P2RX4: variants seen among roughly 807,000 people sequenced by gnomAD.
P2RX4 encodes the protein P2X purinoceptor 4.
Under a neutral mutation model 48.0 loss-of-function variants are expected in P2RX4, and 37 were observed. That is an observed-to-expected ratio of 0.77 (90% CI 0.59 to 1.01). The LOEUF (loss-of-function observed/expected upper bound fraction) is 1.01, where lower values mean the gene tolerates loss of function less well. Ranked by LOEUF, P2RX4 falls within the 50% of genes least tolerant of loss-of-function variation. The pLI is 0.00. For synonymous variants in P2RX4, 200 were observed against 199.7 expected, an observed-to-expected ratio of 1.00 and a Z score of -0.01; for missense variants, 501 against 521.4, an observed-to-expected ratio of 0.96 and a Z score of 0.38.
At chr12:121,212,810 A>T (rs1565997439) in intron 1 of P2RX4, 22 of 31,362 alleles carry the variant, frequency 7.0e-4, no homozygotes, top group African/African-American at 3.1e-3. Flanking sequence ...ATATATATAT[A>T]TATATATATA....
chr12:121,217,862 G>A (rs1330795178), intron 2 of P2RX4, among the ~76,000 whole-genome samples: 1 of 151,956 alleles, frequency 6.6e-6, no homozygotes, highest in Non-Finnish European at 1.5e-5. Flanking sequence ...GGACTCCATC[G>A]GGAGCGAAAG....
At chr12:121,212,748 C>T (rs549511340) in intron 1 of P2RX4, 60 of 142,420 alleles carry the variant, frequency 4.2e-4, no homozygotes, top group African/African-American at 1.4e-3. Context: ...CAGATTGCGC[C>T]ACTGCACTCC....
intron 4 of P2RX4, 177 bp from the exon 5 acceptor site, chr12:121,222,769 TA>T (rs1345102505): frequency 6.3e-5 from 96 of 1,527,954 alleles, no homozygotes; most frequent in Non-Finnish European, 7.2e-5. Flanking sequence ...GGCACACAGG[TA>T]ACTGTCTTCC....
At chr12:121,221,166 T>TTGTGTGTGTGTGTGTGTG (rs71079040) in intron 2 of P2RX4, among the ~76,000 whole-genome samples, 2,581 of 100,866 alleles carry the variant, frequency 0.026, 41 homozygotes, top group Admixed American at 0.043. Flanking sequence ...CTGTGTGTGT[T>TTGTGTGTGTGTGTGTGTG]TGTGTGTGTG....
intron 1 of P2RX4, among the ~76,000 whole-genome samples, chr12:121,211,516 G>C (rs1421187736): frequency 6.6e-6 from 1 of 151,976 alleles, no homozygotes; most frequent in Non-Finnish European, 1.5e-5. Context: ...AATACAACGC[G>C]AGAGAGAAGA....
At chr12:121,215,715 T>A (rs1207816788) in intron 1 of P2RX4, 1 of 152,194 alleles carries the variant, frequency 6.6e-6, no homozygotes, top group Non-Finnish European at 1.5e-5. Context: ...CCCGGCTAAT[T>A]TTTTATTTTT....
intron 7 of P2RX4, 30 bp downstream of exon 7, chr12:121,228,896 A>C: frequency 6.2e-7 from 1 of 1,614,106 alleles, no homozygotes; most frequent in South Asian, 1.1e-5. Flanking sequence ...CTCCTGACCC[A>C]GCCCTGGAGG....
At chr12:121,228,081 C>G (rs1354965898) in intron 5 of P2RX4, among the ~76,000 whole-genome samples, 1 of 151,928 alleles carries the variant, frequency 6.6e-6, no homozygotes, top group Non-Finnish European at 1.5e-5. Flanking sequence ...GGCAACAGAG[C>G]AAGACCCTGT....
intron 1 of P2RX4, chr12:121,215,442 G>GT (rs112097935): frequency 0.023 from 3,142 of 136,870 alleles, 83 homozygotes; most frequent in African/African-American, 0.06. Context: ...CCTGTAGATG[G>GT]TTTTTTTTTT....
At chr12:121,210,329 G>A (rs28360467) in intron 1 of P2RX4, 31 bp downstream of exon 1, 6 of 1,486,588 alleles carry the variant, frequency 4.0e-6, no homozygotes, top group African/African-American at 1.5e-5. Context: ...GGGGCGCGGC[G>A]GGTGCTGCCC....
At chr12:121,225,134 G>A (rs967791412) in intron 5 of P2RX4, among the ~76,000 whole-genome samples, 3 of 150,118 alleles carry the variant, frequency 2.0e-5, no homozygotes, top group Non-Finnish European at 4.4e-5. Flanking sequence ...GTACAGTGGC[G>A]TGATCTTGGC....
At chr12:121,222,518 T>C in intron 4 of P2RX4, 2 of 442,252 alleles carry the variant, frequency 4.5e-6, no homozygotes, top group South Asian at 3.8e-5. Context: ...TTTCAAACAA[T>C]TCTCCTGCCT....
intron 1 of P2RX4, chr12:121,213,005 A>G (rs1233614936): frequency 1.3e-5 from 2 of 151,188 alleles, no homozygotes; most frequent in East Asian, 3.9e-4. Context: ...ACTGCGGAAA[A>G]TATCCATAGT....
At chr12:121,230,369 CAA>C (rs1319567637) in intron 8 of P2RX4, among the ~76,000 whole-genome samples, 1 of 152,210 alleles carries the variant, frequency 6.6e-6, no homozygotes, top group African/African-American at 2.4e-5. Flanking sequence ...GGCGACAAAG[CAA>C]GTCTCCGTCT....
chr12:121,233,547 T>G lies in P2RX4; in HGVS notation c.1165T>G (p.Ter389GlyextTer36). Residue 389 changes from the stop codon to glycine, a stop_lost, in exon 12 of 12, where the codon TGA becomes GGA. Transcript: ENST00000337233. ...GGGTCTTGCTAGTGAGCTGGACCAG[T>G]GAGGCCTACCCCACACCTGGGCTCT... ...EQGLASELDQ* is the reference protein window; with the variant it reads ...EQGLASELDQG 2 of 1,609,022 alleles carry G rather than the reference T, an allele frequency of 1.2e-6. No homozygotes were observed. Among genetic ancestry groups the G allele is most frequent in the Non-Finnish European group, 1.7e-6 (2 of 1,177,490 alleles).
chr12:121,227,624 G>A (rs568696190), intron 5 of P2RX4, among the ~76,000 whole-genome samples: 7 of 152,276 alleles, frequency 4.6e-5, no homozygotes, highest in African/African-American at 9.6e-5. Context: ...AGTTTTCACC[G>A]CCTTGGGGGA....
At chr12:121,211,805 G>C (rs545182564) in intron 1 of P2RX4, among the ~76,000 whole-genome samples, 1 of 152,194 alleles carries the variant, frequency 6.6e-6, no homozygotes, top group African/African-American at 2.4e-5. Context: ...CTCCTGAGTA[G>C]CTGGGATTAC....
intron 5 of P2RX4, chr12:121,223,476 G>C (rs936770662): frequency 5.0e-6 from 1 of 199,024 alleles, no homozygotes; most frequent in Admixed American, 5.3e-5. Context: ...CTTTTTGTGT[G>C]TTTCTGGTGT....
rs1940617062 is a variant in P2RX4, at chr12:121,232,349, T to C, written c.885-65T>C. The C allele has an allele frequency of 8.8e-7, 1 of 1,132,968 alleles. No individual in the cohort carries two copies. The highest frequency in any genetic ancestry group is 2.3e-5 in the East Asian group (1 of 42,708). The allele number at this position is 1,132,968 out of a possible 1,614,324, so 70.2% of individuals were successfully genotyped here. A position where few individuals can be genotyped will look rare whatever the true frequency, so the allele number is the denominator to read the frequency against. ...CACCTGTGCCAGCTCCACTCTAACGTTCTCTCACAGGGCCCAAGGTCCTGC... is the reference window on the plus strand; with the variant it reads ...CACCTGTGCCAGCTCCACTCTAACGCTCTCTCACAGGGCCCAAGGTCCTGC... On this transcript the variant is annotated intron_variant, in intron 8 of 11. Coordinates refer to ENST00000337233, the MANE Select transcript of P2RX4 (RefSeq NM_002560.3). This position sits in a 1 kb window ranked among gnomAD's most constrained non-coding sequence, Gnocchi z 4.3.
Sources: allele counts gnomAD v4.1 joint callset (sites outside exome capture counted in the v4.1 genomes callset), GRCh38; gene constraint gnomAD v4.1.1; non-coding constraint Gnocchi (gnomAD v3.1); transcripts MANE v1.5; gene names NCBI Gene and HGNC (gene_info 2026-07-23, HGNC 2026-07-21).